MPZL1: variants seen among roughly 807,000 people sequenced by gnomAD.
MPZL1 encodes myelin protein zero-like protein 1.
MPZL1 carries 16 observed loss-of-function variants against 29.3 expected under a neutral mutation model. That is an observed-to-expected ratio of 0.55 (90% CI 0.37 to 0.83). MPZL1 has a LOEUF of 0.83. MPZL1 is among the 40% of genes least tolerant of loss of function. The pLI, the probability that MPZL1 is intolerant of heterozygous loss-of-function variation, is 0.00. For synonymous variants in MPZL1, 143 were observed against 132.0 expected (o/e 1.08, Z -0.57); for missense variants, 279 against 332.9 (o/e 0.84, Z 1.26).
chr1:167,773,422 T>C (rs769147061), intron 4 of MPZL1, 54 bp downstream of exon 4: 6 of 1,541,908 alleles, frequency 3.9e-6, no homozygotes, highest in Middle Eastern at 1.7e-4. Context: ...TCAGGGTTTA[T>C]AGAAACTTCT....
chr1:167,784,586 G>C (rs1661555865), intron 5 of MPZL1, among the ~76,000 whole-genome samples: 1 of 152,196 alleles, frequency 6.6e-6, no homozygotes, highest in Non-Finnish European at 1.5e-5. Flanking sequence ...GTTCCATAGA[G>C]ACTCAGGGCT....
At chr1:167,735,046 T>G (rs890009748) in intron 1 of MPZL1, among the ~76,000 whole-genome samples, 1 of 152,260 alleles carries the variant, frequency 6.6e-6, no homozygotes, top group Non-Finnish European at 1.5e-5. Flanking sequence ...TTCAGCTCTA[T>G]GGCTAACAGA....
At chr1:167,779,322 C>T (rs570546456) in intron 5 of MPZL1, among the ~76,000 whole-genome samples, 5 of 152,220 alleles carry the variant, frequency 3.3e-5, no homozygotes, top group East Asian at 3.9e-4. Flanking sequence ...AGTGACTCAA[C>T]GCCTGTAATC....
At chr1:167,757,015 G>C (rs971619612) in intron 1 of MPZL1, among the ~76,000 whole-genome samples, 1 of 152,204 alleles carries the variant, frequency 6.6e-6, no homozygotes, top group Non-Finnish European at 1.5e-5. Flanking sequence ...GTGTGTTCCT[G>C]ACTAATGAAA....
At chr1:167,781,388 A>G (rs77222194) in intron 5 of MPZL1, among the ~76,000 whole-genome samples, 1 of 152,186 alleles carries the variant, frequency 6.6e-6, no homozygotes, top group East Asian at 1.9e-4. Flanking sequence ...AAGGGTTGGA[A>G]TCATATAGAG....
chr1:167,769,119 T>G (rs1276407147), intron 2 of MPZL1, among the ~76,000 whole-genome samples: 1 of 152,230 alleles, frequency 6.6e-6, no homozygotes. Context: ...TCACATTCCC[T>G]ATTTATGAAA....
Position 167,772,479 on chromosome 1 carries a change from G to A in MPZL1, c.463G>A (p.Val155Ile), listed in dbSNP as rs367767112. 9.3e-6 allele frequency: 15 copies of A among 1,610,578 alleles called. No individual in the cohort carries two copies. Among genetic ancestry groups the A allele is most frequent in the South Asian group, 2.2e-5 (2 of 90,392 alleles). ...VQPGHIRLYV[V>I]EKENLPVFPV... ...GCCTGGACACATTAGGCTCTATGTC[G>A]TAGAAAAAGGTACTTCCTTGAGTAT... The change falls in exon 3 of 6, where the codon GTA (valine) becomes ATA (isoleucine). Residue 155 changes from valine (V) to isoleucine (I), a missense_variant. Coordinates refer to ENST00000359523, the MANE Select transcript of MPZL1 (RefSeq NM_003953.6).
intron 1 of MPZL1, among the ~76,000 whole-genome samples, chr1:167,757,558 A>G (rs1044594779): frequency 9.2e-5 from 14 of 151,944 alleles, no homozygotes; most frequent in Admixed American, 7.2e-4. Context: ...TGCCTCCTCC[A>G]CCCTGTCCCA....
chr1:167,725,458 A>G lies in MPZL1; in HGVS notation c.91+3216A>G, dbSNP rs531455390. On this transcript the variant is annotated intron_variant, in intron 1 of 5. Transcript: ENST00000359523. ...CACCACCATGCCTGGCTAATTTTTGATTTTTCTATTTATTTTTAAATTTAT... is the reference window on the plus strand; with the variant it reads ...CACCACCATGCCTGGCTAATTTTTGGTTTTTCTATTTATTTTTAAATTTAT... Among the ~76,000 whole-genome samples, 20 of 146,534 alleles carry G rather than the reference A, an allele frequency of 1.4e-4. No individual in the cohort carries two copies. The East Asian group carries it at 1.8e-3, about 13-fold the overall frequency.
At chr1:167,764,008 T>A (rs1661054335) in intron 1 of MPZL1, among the ~76,000 whole-genome samples, 1 of 152,144 alleles carries the variant, frequency 6.6e-6, no homozygotes, top group South Asian at 2.1e-4. Context: ...AGTTAAGTCT[T>A]CAAGGAGAAA....
At position 167,789,022 on chromosome 1, in the gene MPZL1, C is replaced by G. The variant is rs1661652135; in HGVS notation, c.*1101C>G. 1 of 152,006 alleles carries G rather than the reference C, an allele frequency of 6.6e-6. No homozygotes were observed. The highest frequency in any genetic ancestry group is 2.1e-4 in the South Asian group (1 of 4,824). The allele number at this position is 152,006 out of a possible 1,614,324, so 9.4% of individuals were successfully genotyped here. On this transcript the variant is annotated 3_prime_UTR_variant, in exon 6 of 6. Transcript: ENST00000359523. Reference sequence around the variant, plus strand: ...CACCACTGCAGCTGGCAAGAATCACCTTCTTTATAAAGCGTCAGTCATGCT... The same window carrying G: ...CACCACTGCAGCTGGCAAGAATCACGTTCTTTATAAAGCGTCAGTCATGCT...
intron 1 of MPZL1, among the ~76,000 whole-genome samples, chr1:167,746,196 G>A (rs1187993974): frequency 6.6e-6 from 1 of 152,068 alleles, no homozygotes; most frequent in Non-Finnish European, 1.5e-5. Context: ...GAGTGGGTTG[G>A]TGGAGAAGGC....
chr1:167,737,506 G>T (rs991877092), intron 1 of MPZL1, among the ~76,000 whole-genome samples: 1 of 152,190 alleles, frequency 6.6e-6, no homozygotes, highest in Non-Finnish European at 1.5e-5. Flanking sequence ...CTTTATAAAC[G>T]CTGGGGGGCT....
intron 1 of MPZL1, among the ~76,000 whole-genome samples, chr1:167,756,905 A>G (rs1660879827): frequency 6.6e-6 from 1 of 152,100 alleles, no homozygotes; most frequent in South Asian, 2.1e-4. Flanking sequence ...AAAGGACAGG[A>G]TGTCGGGGAG....
In MPZL1 at chr1:167,790,971, A is replaced by C. The variant is rs2101805430; in HGVS notation, c.*3050A>C. ...TGCACATGCTGTTCCCTGGGCCTGA[A>C]GCATGCCTTCTGCCAATATTCCTGT... is the stretch of plus-strand genomic sequence containing the variant. On this transcript the variant is annotated 3_prime_UTR_variant, in exon 6 of 6. Coordinates refer to ENST00000359523, the MANE Select transcript of MPZL1 (RefSeq NM_003953.6). The C allele has an allele frequency of 6.6e-6, 1 of 152,230 alleles. No individual in the cohort carries two copies. Among genetic ancestry groups the C allele is most frequent in the African/African-American group, 2.4e-5 (1 of 41,508 alleles). The allele number at this position is 152,230 out of a possible 1,614,324, so 9.4% of individuals were successfully genotyped here. A position where few individuals can be genotyped will look rare whatever the true frequency, so the allele number is the denominator to read the frequency against.
At chr1:167,765,370 A>G (rs962433140) in intron 1 of MPZL1, 1 of 312,956 alleles carries the variant, frequency 3.2e-6, no homozygotes, top group Non-Finnish European at 5.9e-6. Flanking sequence ...CTTAACTAAA[A>G]AGCAATACAA....
chr1:167,743,498 G>A (rs1326720332), intron 1 of MPZL1, among the ~76,000 whole-genome samples: 1 of 151,996 alleles, frequency 6.6e-6, no homozygotes, highest in South Asian at 2.1e-4. Context: ...GAGCCACCGC[G>A]CCTGGCCTTC....
intron 2 of MPZL1, among the ~76,000 whole-genome samples, chr1:167,771,832 CAGCATTG>C (rs1661256161): frequency 6.6e-6 from 1 of 152,072 alleles, no homozygotes; most frequent in East Asian, 1.9e-4. Flanking sequence ...CCAGCCTGGG[CAGCATTG>C]AGCATTGAGT....
intron 5 of MPZL1, among the ~76,000 whole-genome samples, chr1:167,783,399 G>A (rs975649767): frequency 6.6e-6 from 1 of 152,184 alleles, no homozygotes; most frequent in African/African-American, 2.4e-5. Context: ...TTTTGTATAT[G>A]TATTTGAGGA....
Sources: allele counts gnomAD v4.1 joint callset (sites outside exome capture counted in the v4.1 genomes callset), GRCh38; gene constraint gnomAD v4.1.1; transcripts MANE v1.5; gene names NCBI Gene and HGNC (gene_info 2026-07-23, HGNC 2026-07-21).